POU6F2: variants seen among roughly 807,000 people sequenced by gnomAD.
POU6F2 encodes POU class 6 homeobox 2.
POU6F2 carries 31 observed loss-of-function variants against 71.3 expected under a neutral mutation model. The ratio of observed to expected loss-of-function variants is 0.43; its 90% CI spans 0.33 to 0.59. POU6F2 has a LOEUF of 0.59. Among genes scored for constraint, POU6F2 ranks in the 20% least tolerant of loss-of-function variants. The pLI is 0.04. For missense variants in POU6F2, 783 were observed against 856.8 expected (o/e 0.91, Z 1.07); for synonymous variants, 347 against 355.7 (o/e 0.98, Z 0.27).
intron 1 of POU6F2, among the ~76,000 whole-genome samples, chr7:38,994,657 A>G (rs1189717262): frequency 6.6e-6 from 1 of 151,996 alleles, no homozygotes; most frequent in East Asian, 1.9e-4. Flanking sequence ...TGGTCAGAGA[A>G]TCCAGCTGGC....
chr7:39,396,734 C>T (rs1787180689), intron 5 of POU6F2, among the ~76,000 whole-genome samples: 4 of 152,158 alleles, frequency 2.6e-5, no homozygotes, highest in African/African-American at 9.7e-5. Flanking sequence ...AGCAGCAGCA[C>T]TTGTGCCTAG....
At chr7:39,320,165 T>C (rs1029714959) in intron 4 of POU6F2, among the ~76,000 whole-genome samples, 21 of 152,322 alleles carry the variant, frequency 1.4e-4, no homozygotes, top group Non-Finnish European at 2.8e-4. Flanking sequence ...ATAAGAATTC[T>C]TAAGACCTGA....
chr7:39,239,621 T>C (rs951410332), intron 4 of POU6F2, among the ~76,000 whole-genome samples: 3 of 152,250 alleles, frequency 2.0e-5, no homozygotes, highest in Middle Eastern at 3.4e-3. Context: ...TGTGGACTTA[T>C]ATCTGCCTCA....
chr7:39,150,343 T>C (rs1413943022), intron 2 of POU6F2, among the ~76,000 whole-genome samples: 1 of 149,314 alleles, frequency 6.7e-6, no homozygotes, highest in Non-Finnish European at 1.5e-5. Context: ...TACAAGGTGG[T>C]GATTTCATCT....
intron 6 of POU6F2, among the ~76,000 whole-genome samples, chr7:39,415,019 T>C (rs1425836462): frequency 3.8e-5 from 3 of 79,354 alleles, no homozygotes; most frequent in African/African-American, 9.5e-5. Context: ...CTTTTTAAAT[T>C]TTTTGTTTGT....
intron 2 of POU6F2, among the ~76,000 whole-genome samples, chr7:39,194,680 C>T (rs1793744188): frequency 6.6e-6 from 1 of 152,206 alleles, no homozygotes; most frequent in South Asian, 2.1e-4. Context: ...CACTCCGGTC[C>T]CCTTCTACGC....
chr7:39,412,516 A>G (rs1016098948), intron 6 of POU6F2, among the ~76,000 whole-genome samples: 1 of 152,190 alleles, frequency 6.6e-6, no homozygotes, highest in Non-Finnish European at 1.5e-5. Context: ...ACACATTTGT[A>G]AAATTATTTT....
chr7:39,011,638 G>A (rs1343569119), intron 1 of POU6F2, among the ~76,000 whole-genome samples: 1 of 149,088 alleles, frequency 6.7e-6, no homozygotes, highest in Admixed American at 6.7e-5. Flanking sequence ...TTACATTTTG[G>A]CATGATTTTG....
At chr7:39,251,472 G>C (rs915410320) in intron 4 of POU6F2, among the ~76,000 whole-genome samples, 2 of 152,176 alleles carry the variant, frequency 1.3e-5, no homozygotes, top group African/African-American at 4.8e-5. Context: ...GGAAGAGCTG[G>C]TTTGTTTGTT....
intron 4 of POU6F2, among the ~76,000 whole-genome samples, chr7:39,257,158 A>G (rs753823053): frequency 1.3e-5 from 2 of 152,230 alleles, no homozygotes; most frequent in Non-Finnish European, 2.9e-5. Flanking sequence ...ATTTTGGGAA[A>G]TAGTGCAGAT....
At chr7:39,203,122 A>G (rs4588755) in intron 2 of POU6F2, among the ~76,000 whole-genome samples, 125,318 of 152,236 alleles carry the variant, frequency 0.82, 51,953 homozygotes, top group East Asian at 1. Context: ...ATTTTCCCCC[A>G]TTTCCATTAT....
At chr7:39,157,604 T>C (rs576752577) in intron 2 of POU6F2, among the ~76,000 whole-genome samples, 55 of 152,322 alleles carry the variant, frequency 3.6e-4, no homozygotes, top group African/African-American at 1.2e-3. Flanking sequence ...AGGAATTAAT[T>C]TACAGCTACA....
chr7:39,369,323 T>C (rs1237339507), intron 5 of POU6F2, among the ~76,000 whole-genome samples: 1 of 151,888 alleles, frequency 6.6e-6, no homozygotes, highest in East Asian at 1.9e-4. Context: ...AAAGATAAAC[T>C]CACTGAAGGC....
At chr7:39,261,828 G>A (rs1784143778) in intron 4 of POU6F2, among the ~76,000 whole-genome samples, 1 of 152,090 alleles carries the variant, frequency 6.6e-6, no homozygotes, top group African/African-American at 2.4e-5. Flanking sequence ...CATATTTTCT[G>A]GTTTAACTAG....
intron 5 of POU6F2, among the ~76,000 whole-genome samples, chr7:39,346,042 T>G (rs1786027660): frequency 6.6e-6 from 1 of 152,172 alleles, no homozygotes; most frequent in South Asian, 2.1e-4. Flanking sequence ...CATAACATAT[T>G]TATCCATATA....
chr7:39,242,548 G>T (rs749863244), intron 4 of POU6F2, among the ~76,000 whole-genome samples: 2 of 151,826 alleles, frequency 1.3e-5, no homozygotes, highest in Non-Finnish European at 2.9e-5. Flanking sequence ...GCTTTTTTGG[G>T]GGGGGTCATG....
At chr7:39,218,765 T>C (rs1183704284) in intron 4 of POU6F2, among the ~76,000 whole-genome samples, 2 of 152,160 alleles carry the variant, frequency 1.3e-5, no homozygotes, top group East Asian at 3.9e-4. Context: ...ATGGGTTAAA[T>C]GTAGAGGGAT....
chr7:39,241,340 G>A (rs1244118163), intron 4 of POU6F2, among the ~76,000 whole-genome samples: 2 of 152,086 alleles, frequency 1.3e-5, no homozygotes, highest in African/African-American at 2.4e-5. Flanking sequence ...GTAAAAGAAA[G>A]AATGAATGAA....
In POU6F2 at chr7:39,091,794, G is replaced by A. The variant is rs117197093; in HGVS notation, c.277+5763G>A. On this transcript the variant is annotated intron_variant, in intron 2 of 9. Transcript: ENST00000518318. ...CCCTTCTCAAGAATTGACCAAATAC[G>A]TTTTTCTCCCACTTCAACGTTGAGA... 2.2e-4 allele frequency among the ~76,000 whole-genome samples: 33 copies of A among 152,250 alleles called. No homozygotes were observed. The East Asian group carries it at 3.1e-3, about 14-fold the overall frequency.
Sources: gnomAD v4.1 joint callset for allele counts (sites outside exome capture counted in the v4.1 genomes callset) on GRCh38, gnomAD v4.1.1 for gene constraint, MANE v1.5 for transcripts, NCBI Gene and HGNC (gene_info 2026-07-23, HGNC 2026-07-21) for gene names.